The following SDK1 variants were observed in gnomAD, a reference collection of about 807,000 sequenced individuals.
SDK1 encodes the protein sidekick cell adhesion molecule 1.
Under a neutral mutation model 245.5 loss-of-function variants are expected in SDK1, and 157 were observed. The ratio of observed to expected loss-of-function variants is 0.64; its 90% CI spans 0.56 to 0.73. The LOEUF is 0.73. Among genes scored for constraint, SDK1 ranks in the 30% least tolerant of loss-of-function variants. The pLI is 0.00. For synonymous variants in SDK1, 1,647 were observed against 1,278.5 expected (o/e 1.29, Z -6.15); for missense variants, 3,583 against 3,002.3 (o/e 1.19, Z -4.52).
At chr7:3,536,480 C>G (rs1025841525) in intron 1 of SDK1, among the ~76,000 whole-genome samples, 7 of 152,064 alleles carry the variant, frequency 4.6e-5, no homozygotes, top group African/African-American at 1.7e-4. Flanking sequence ...GGAGTTGAGA[C>G]CAGCCTGGCC....
chr7:3,510,507 C>T lies in SDK1; in HGVS notation c.299-108573C>T, dbSNP rs150474328. Among the ~76,000 whole-genome samples, 346 of 152,256 alleles carry T rather than the reference C, an allele frequency of 2.3e-3. 5 individuals are homozygous for T. The highest frequency in any genetic ancestry group is 8.0e-3 in the African/African-American group (334 of 41,546). Reference sequence around the variant, plus strand: ...GCATGGGATTTATTTAATGTTTGTACATGGGAGCCCTCAGAATGAAGACCC... The same window carrying T: ...GCATGGGATTTATTTAATGTTTGTATATGGGAGCCCTCAGAATGAAGACCC... On this transcript the variant is annotated intron_variant, in intron 1 of 44. Transcript: ENST00000404826.
intron 8 of SDK1, among the ~76,000 whole-genome samples, chr7:3,962,076 T>G (rs1267520185): frequency 2.0e-5 from 3 of 152,044 alleles, no homozygotes; most frequent in Non-Finnish European, 4.4e-5. Flanking sequence ...CATGAACACA[T>G]GCACATACAT....
intron 1 of SDK1, among the ~76,000 whole-genome samples, chr7:3,326,845 T>G (rs1480687417): frequency 6.6e-6 from 1 of 152,168 alleles, no homozygotes; most frequent in Non-Finnish European, 1.5e-5. Flanking sequence ...CAGGCTGTCA[T>G]TTAACCTGTG....
chr7:3,980,255 A>T lies in SDK1; in HGVS notation c.1994+5710A>T, dbSNP rs7795672. Among the ~76,000 whole-genome samples the T allele has an allele frequency of 9.2e-5, 14 of 152,270 alleles. No individual in the cohort carries two copies. The South Asian group carries it at 2.9e-3, about 32-fold the overall frequency. On this transcript the variant is annotated intron_variant, in intron 13 of 44. Transcript: ENST00000404826. The stretch of plus-strand genomic sequence containing the variant: ...AGTCTTTTTCAAAACTGTTTTTCTC[A>T]CACACACCTTGCTTCATCTCTCTCC...
At chr7:3,366,479 C>T (rs1246148256) in intron 1 of SDK1, among the ~76,000 whole-genome samples, 2 of 151,930 alleles carry the variant, frequency 1.3e-5, no homozygotes, top group African/African-American at 4.8e-5. Context: ...TTATTAGATC[C>T]TGCAGAATTC....
intron 5 of SDK1, among the ~76,000 whole-genome samples, chr7:3,862,870 A>C (rs1780728622): frequency 6.6e-6 from 1 of 152,214 alleles, no homozygotes; most frequent in African/African-American, 2.4e-5. Context: ...TTAGATTCTC[A>C]TAAGGAGCAT....
rs567344377 is a variant in SDK1 at position 3,605,356 on chromosome 7, A to C, written c.299-13724A>C. On this transcript the variant is annotated intron_variant, in intron 1 of 44. Coordinates refer to ENST00000404826, the MANE Select transcript of SDK1 (RefSeq NM_152744.4). ...CTTATTAGATTGTTTTATGGTTTGA[A>C]GAAATAATGTTTCACTTAAGGAAAA... Among the ~76,000 whole-genome samples, 10 of 152,368 alleles carry C rather than the reference A, an allele frequency of 6.6e-5. No individual in the cohort carries two copies. In the South Asian group the frequency reaches 2.1e-3, roughly 32 times the overall value.
chr7:4,244,635 C>T (rs143363972), intron 43 of SDK1, among the ~76,000 whole-genome samples: 211 of 152,316 alleles, frequency 1.4e-3, no homozygotes, highest in South Asian at 2.5e-3. Context: ...TAGCACCACG[C>T]GGTCTCCCTG....
intron 4 of SDK1, among the ~76,000 whole-genome samples, chr7:3,768,680 C>A (rs1780325340): frequency 6.6e-6 from 1 of 152,158 alleles, no homozygotes; most frequent in Non-Finnish European, 1.5e-5. Context: ...TCGGGTACAG[C>A]CTAAAGGTTT....
At chr7:4,189,442 A>G (rs1045885578) in intron 35 of SDK1, among the ~76,000 whole-genome samples, 1 of 152,146 alleles carries the variant, frequency 6.6e-6, no homozygotes, top group African/African-American at 2.4e-5. Flanking sequence ...TCCACACCCA[A>G]TGGGGAGTGG....
intron 1 of SDK1, among the ~76,000 whole-genome samples, chr7:3,323,601 G>A (rs755153750): frequency 3.3e-5 from 5 of 152,128 alleles, no homozygotes; most frequent in African/African-American, 4.8e-5. Flanking sequence ...ATTCCTTTTC[G>A]TGTGCCCCAC....
chr7:3,552,641 CCA>C (rs1295696338), intron 1 of SDK1, among the ~76,000 whole-genome samples: 1 of 152,178 alleles, frequency 6.6e-6, no homozygotes, highest in Admixed American at 6.5e-5. Context: ...GCTGGACTGA[CCA>C]CAGAGTAAGA....
chr7:3,406,709 A>T (rs564016444), intron 1 of SDK1, among the ~76,000 whole-genome samples: 1 of 152,290 alleles, frequency 6.6e-6, no homozygotes, highest in Admixed American at 6.5e-5. Context: ...GGAAAATAAT[A>T]TTTGACCATC....
At chr7:3,932,275 G>A (rs1415755131) in intron 5 of SDK1, among the ~76,000 whole-genome samples, 1 of 152,118 alleles carries the variant, frequency 6.6e-6, no homozygotes, top group East Asian at 1.9e-4. Flanking sequence ...CTGTGCTTTT[G>A]TGCACTTCAC....
chr7:3,514,591 A>G (rs897655027), intron 1 of SDK1, among the ~76,000 whole-genome samples: 5 of 152,118 alleles, frequency 3.3e-5, no homozygotes, highest in Admixed American at 1.3e-4. Flanking sequence ...TCAGTGCTCT[A>G]GTCTGACTAT....
chr7:4,206,007 C>G lies in SDK1; in HGVS notation c.5214+13C>G. 6.7e-7 allele frequency: 1 copy of G among 1,497,944 alleles called. No homozygotes were observed. The highest frequency in any genetic ancestry group is 9.0e-7 in the Non-Finnish European group (1 of 1,112,294). 92.8% of individuals were successfully genotyped at this position (1,497,944 alleles called of 1,614,324 possible). On this transcript the variant is annotated intron_variant, in intron 36 of 44. Transcript: ENST00000404826. ...CCAAGGCTACAAGGCAAGGCCCTCC[C>G]GTGCGGTTGCCTCCCCTGGCTCGCT... is the stretch of plus-strand genomic sequence containing the variant.
At chr7:4,005,384 T>C (rs1785392467) in intron 14 of SDK1, among the ~76,000 whole-genome samples, 1 of 139,468 alleles carries the variant, frequency 7.2e-6, no homozygotes, top group African/African-American at 2.7e-5. Flanking sequence ...TAGTTTCTTT[T>C]CTTATGTGAG....
At chr7:4,231,752 A>G (rs1785784226) in intron 40 of SDK1, among the ~76,000 whole-genome samples, 1 of 152,166 alleles carries the variant, frequency 6.6e-6, no homozygotes, top group Non-Finnish European at 1.5e-5. Context: ...TAGTCGGTGC[A>G]CATTCTAAAT....
intron 1 of SDK1, among the ~76,000 whole-genome samples, chr7:3,468,913 A>G: frequency 6.6e-6 from 1 of 152,126 alleles, no homozygotes; most frequent in Non-Finnish European, 1.5e-5. Flanking sequence ...CAGAGGGTGA[A>G]GGGGGTAGGT....
Sources: allele counts gnomAD v4.1 joint callset (sites outside exome capture counted in the v4.1 genomes callset), GRCh38; gene constraint gnomAD v4.1.1; transcripts MANE v1.5; gene names NCBI Gene and HGNC (gene_info 2026-07-23, HGNC 2026-07-21).